Variants in NTM observed in about 807,000 individuals in gnomAD.
NTM encodes the protein neurotrimin.
A neutral mutation model predicts 42.1 loss-of-function variants in NTM; 13 were observed. The observed-to-expected ratio is 0.31, with a 90% CI of 0.20 to 0.49. NTM has a LOEUF of 0.49. Ranked by LOEUF, NTM falls within the 20% of genes least tolerant of loss-of-function variation. The pLI, the probability that NTM is intolerant of heterozygous loss-of-function variation, is 0.99. For synonymous variants in NTM, 187 were observed against 179.2 expected (o/e 1.04, Z -0.35); for missense variants, 373 against 452.8 (o/e 0.82, Z 1.60).
chr11:131,543,040 C>T (rs1055598704), intron 1 of NTM, among the ~76,000 whole-genome samples: 1 of 152,174 alleles, frequency 6.6e-6, no homozygotes, highest in African/African-American at 2.4e-5. Flanking sequence ...TTGCCAGTTA[C>T]GCTGCCTCCC....
At chr11:131,752,501 G>A (rs1036398719) in intron 1 of NTM, among the ~76,000 whole-genome samples, 4 of 152,158 alleles carry the variant, frequency 2.6e-5, no homozygotes, top group Non-Finnish European at 5.9e-5. Context: ...GGGATCTAGA[G>A]CTAGAAATAC....
At chr11:131,658,886 G>T (rs1046380931) in intron 1 of NTM, among the ~76,000 whole-genome samples, 1 of 152,082 alleles carries the variant, frequency 6.6e-6, no homozygotes, top group Non-Finnish European at 1.5e-5. Flanking sequence ...CACGAGAATC[G>T]CTTGAACCAG....
intron 1 of NTM, among the ~76,000 whole-genome samples, chr11:131,480,782 C>T (rs2136232467): frequency 6.6e-6 from 1 of 151,144 alleles, no homozygotes; most frequent in East Asian, 1.9e-4. Context: ...CCATTAACTT[C>T]AGTCTGGGTG....
chr11:131,436,146 C>G (rs528572347), intron 1 of NTM, among the ~76,000 whole-genome samples: 1 of 152,124 alleles, frequency 6.6e-6, no homozygotes, highest in Non-Finnish European at 1.5e-5. Context: ...CTGAATTGAT[C>G]GTGGTGGATA....
intron 1 of NTM, among the ~76,000 whole-genome samples, chr11:131,703,184 G>T (rs1672796821): frequency 6.6e-6 from 1 of 152,192 alleles, no homozygotes; most frequent in African/African-American, 2.4e-5. Flanking sequence ...ATAATTATGT[G>T]TTGTATATTT....
chr11:131,396,942 T>C (rs1394126152), intron 1 of NTM, among the ~76,000 whole-genome samples: 1 of 152,164 alleles, frequency 6.6e-6, no homozygotes, highest in African/African-American at 2.4e-5. Context: ...CCCTTACTTC[T>C]GGACTCTATA....
At chr11:132,134,716 T>A (rs1161286148) in intron 2 of NTM, among the ~76,000 whole-genome samples, 7 of 38,746 alleles carry the variant, frequency 1.8e-4, no homozygotes, top group African/African-American at 5.4e-4. Flanking sequence ...TATATATATA[T>A]ATATATATAT....
chr11:131,500,398 T>C (rs1025123242), intron 1 of NTM, among the ~76,000 whole-genome samples: 2 of 151,944 alleles, frequency 1.3e-5, no homozygotes, highest in South Asian at 4.2e-4. Context: ...TGTGCTTTAT[T>C]TTTATCTGCT....
At chr11:131,662,088 T>C (rs2068175869) in intron 1 of NTM, 1 of 152,190 alleles carries the variant, frequency 6.6e-6, no homozygotes, top group South Asian at 2.1e-4. Context: ...GAGAAATCTA[T>C]AGGCTTCGGA....
intron 1 of NTM, among the ~76,000 whole-genome samples, chr11:131,781,339 A>G (rs1017420798): frequency 2.0e-5 from 3 of 152,180 alleles, no homozygotes; most frequent in Admixed American, 2.0e-4. Context: ...AAGTTCATAA[A>G]AACAAATCAT....
At chr11:131,958,069 T>A (rs1282391183) in intron 2 of NTM, among the ~76,000 whole-genome samples, 7 of 152,334 alleles carry the variant, frequency 4.6e-5, no homozygotes, top group African/African-American at 7.2e-5. Context: ...AGCGCCTAGA[T>A]GCCGACACCA....
At chr11:131,565,372 C>T (rs2056766019) in intron 1 of NTM, among the ~76,000 whole-genome samples, 1 of 152,306 alleles carries the variant, frequency 6.6e-6, no homozygotes, top group African/African-American at 2.4e-5. Context: ...TATTGTTGGC[C>T]CAGGTAGAGC....
chr11:131,740,941 A>G (rs2081102559), intron 1 of NTM, among the ~76,000 whole-genome samples: 1 of 151,972 alleles, frequency 6.6e-6, no homozygotes, highest in Non-Finnish European at 1.5e-5. Flanking sequence ...GCCGAGGCGT[A>G]CAGATCACAG....
chr11:132,230,156 T>G (rs866237029), intron 4 of NTM, among the ~76,000 whole-genome samples: 1 of 152,172 alleles, frequency 6.6e-6, no homozygotes, highest in South Asian at 2.1e-4. Context: ...TGAGAGTCGA[T>G]GTATCTTCTC....
chr11:131,654,452 G>A (rs1215549872), intron 1 of NTM, among the ~76,000 whole-genome samples: 1 of 151,800 alleles, frequency 6.6e-6, no homozygotes, highest in Non-Finnish European at 1.5e-5. Context: ...TTTTTTTCCG[G>A]GAGTCTCAGG....
chr11:131,740,905 C>T (rs537888855), intron 1 of NTM, among the ~76,000 whole-genome samples: 50 of 152,214 alleles, frequency 3.3e-4, no homozygotes, highest in Admixed American at 2.8e-3. Flanking sequence ...TGGTGGCTCA[C>T]GCCTGTAATC....
intron 1 of NTM, among the ~76,000 whole-genome samples, chr11:131,402,524 A>G (rs1945358007): frequency 6.6e-6 from 1 of 152,138 alleles, no homozygotes; most frequent in African/African-American, 2.4e-5. Context: ...CACACAGAAG[A>G]TGGACCACAT....
At chr11:131,770,316 G>A (rs1376453334) in intron 1 of NTM, among the ~76,000 whole-genome samples, 1 of 152,174 alleles carries the variant, frequency 6.6e-6, no homozygotes, top group African/African-American at 2.4e-5. Context: ...AATGTCAAAG[G>A]GAAGACGAGG....
chr11:131,789,639 GAAGAAGAAGAAGAAGAAGAAGAA>G (rs2090498785), intron 1 of NTM, among the ~76,000 whole-genome samples: 1 of 109,682 alleles, frequency 9.1e-6, no homozygotes, highest in African/African-American at 3.7e-5. Context: ...AAGAAGAAAA[GAAGAAGAAGAAGAAGAAGAAGAA>G]GAAGAAAGCA....
Sources: gnomAD v4.1 joint callset for allele counts (sites outside exome capture counted in the v4.1 genomes callset) on GRCh38, gnomAD v4.1.1 for gene constraint, MANE v1.5 for transcripts, NCBI Gene and HGNC (gene_info 2026-07-23, HGNC 2026-07-21) for gene names.